Variants in NBPF20 observed in about 807,000 individuals in gnomAD.
NBPF20 encodes NBPF member 20.
In NBPF20, 90 loss-of-function variants were observed where a neutral mutation model predicts 68.1. The observed-to-expected ratio is 1.32, with a 90% confidence interval of 1.11 to 1.58. The LOEUF is 1.58. Among genes scored for constraint, NBPF20 ranks in the 40% most tolerant of loss-of-function variants. NBPF20 has a pLI of 0.00. For synonymous variants in NBPF20, 290 were observed against 228.1 expected, an observed-to-expected ratio of 1.27 and a Z score of -2.45; for missense variants, 816 against 601.2, an observed-to-expected ratio of 1.36 and a Z score of -3.74.
chr1:145,341,149 C>CAG (rs1661611248), intron 75 of NBPF20, among the ~76,000 whole-genome samples: 1 of 79,282 alleles, frequency 1.3e-5, no homozygotes. Flanking sequence ...GAGACAGAGA[C>CAG]AGAGAGAGAG....
the NBPF20 span, among the ~76,000 whole-genome samples, chr1:145,421,210 G>A: frequency 1.3e-5 from 2 of 152,084 alleles, no homozygotes; most frequent in African/African-American, 2.4e-5. Flanking sequence ...GATTCTTTCT[G>A]TTAGGGAATT....
the NBPF20 span, among the ~76,000 whole-genome samples, chr1:145,423,768 G>A: frequency 6.6e-6 from 1 of 151,796 alleles, no homozygotes. Flanking sequence ...TTAACTGACA[G>A]GCATCAGCAA....
At chr1:145,425,043 C>G in the NBPF20 span, among the ~76,000 whole-genome samples, 1 of 152,122 alleles carries the variant, frequency 6.6e-6, no homozygotes, top group East Asian at 1.9e-4. Flanking sequence ...CAGGGTCCTC[C>G]ACAGGATACA....
chr1:145,411,351 T>A, the NBPF20 span, among the ~76,000 whole-genome samples: 3 of 151,198 alleles, frequency 2.0e-5, no homozygotes, highest in South Asian at 2.1e-4. Context: ...TTTGGTGTAC[T>A]GGCCTACTGG....
intron 8 of NBPF20, among the ~76,000 whole-genome samples, 193 bp from the exon 14 acceptor site, chr1:145,394,128 G>A (rs1662094582): frequency 6.6e-6 from 1 of 151,996 alleles, no homozygotes; most frequent in African/African-American, 2.4e-5. Context: ...ATGAGCCTTG[G>A]GCAAAATTCC....
At chr1:145,406,647 A>G (rs1216210008), upstream of NBPF20, among the ~76,000 whole-genome samples, 1 of 149,426 alleles carries the variant, frequency 6.7e-6, no homozygotes, top group Non-Finnish European at 1.5e-5. Flanking sequence ...GTGATATCAT[A>G]AAATTTGGTT....
At chr1:145,394,024 C>T in intron 8 of NBPF20, 89 bp from the exon 14 acceptor site, 5 of 793,996 alleles carry the variant, frequency 6.3e-6, no homozygotes, top group East Asian at 2.4e-5. Context: ...AACACAGGGA[C>T]ATCAGTCTTG....
At chr1:145,425,364 T>C in the NBPF20 span, among the ~76,000 whole-genome samples, 1 of 151,804 alleles carries the variant, frequency 6.6e-6, no homozygotes, top group Non-Finnish European at 1.5e-5. Context: ...TCGGAAACGC[T>C]GGGTGGACTT....
Position 145,393,902 on chromosome 1 carries a change from TG to T in NBPF20, c.1024del (p.Gln342LysfsTer38). ...GACTCACCTGGGACCTGTTGCCTCT[TG>T]GTCCTCCTTTTTCACTTGATCCCAC... On this transcript the variant is annotated frameshift_variant, in exon 9 of 138. Transcript: ENST00000369373. LOFTEE classifies it high-confidence loss of function. 1 of 1,534,492 alleles carries T rather than the reference TG, an allele frequency of 6.5e-7. No homozygotes were observed. The highest frequency in any genetic ancestry group is 8.9e-7 in the Non-Finnish European group (1 of 1,120,724).
chr1:145,400,640 G>C, intron 5 of NBPF20, 46 bp from the exon 11 acceptor site: 4 of 1,582,630 alleles, frequency 2.5e-6, no homozygotes, highest in Non-Finnish European at 3.5e-6. Context: ...TAAACACAGA[G>C]GGATTGGACC....
At chr1:145,291,629 T>G (rs782210528) in exon 138 of NBPF20, 4 of 1,611,970 alleles carry the variant, frequency 2.5e-6, no homozygotes, top group South Asian at 2.2e-5. Context: ...GATGTGCTGT[T>G]CCTCAAATGA....
rs1558959668 is a variant in NBPF20 at position 145,291,400 on chromosome 1, T to A, written c.*126A>T. On this transcript the variant is annotated 3_prime_UTR_variant, in exon 138 of 138. Transcript: ENST00000369373. ...CACTGGCATGGTTTGAGAATAGGAA[T>A]ACAGCCATGCCCACTGACCCATCCT... The A allele has an allele frequency of 1.8e-5, 29 of 1,592,484 alleles. 1 individual carries two copies. In the South Asian group the frequency reaches 3.1e-4, roughly 17 times the overall value.
At chr1:145,291,978 C>A (rs587758207) in intron 137 of NBPF20, among the ~76,000 whole-genome samples, 8 of 149,860 alleles carry the variant, frequency 5.3e-5, no homozygotes, top group East Asian at 1.9e-4. Context: ...GAGAGAGAGA[C>A]AGAGACAGAG....
chr1:145,392,829 C>T (rs868982960), intron 10 of NBPF20, among the ~76,000 whole-genome samples: 2 of 97,902 alleles, frequency 2.0e-5, no homozygotes, highest in African/African-American at 1.3e-4. Context: ...CCAGGTCGAA[C>T]GTCATGAGAG....
chr1:145,292,102 T>G (rs1195305391), intron 137 of NBPF20, among the ~76,000 whole-genome samples: 1 of 149,264 alleles, frequency 6.7e-6, no homozygotes, highest in Non-Finnish European at 1.5e-5. Context: ...ATGAAAAGAG[T>G]GAGCTCAATA....
intron 9 of NBPF20, chr1:145,393,605 A>G (rs1357550058): frequency 1.6e-5 from 11 of 687,254 alleles, no homozygotes; most frequent in Admixed American, 1.1e-4. Context: ...CATGTCCTCA[A>G]TAATTTTGCA....
exon 2 of NBPF20, chr1:145,405,194 G>C: frequency 6.2e-7 from 1 of 1,612,650 alleles, no homozygotes; most frequent in Non-Finnish European, 8.5e-7. Flanking sequence ...TCTGCCAACT[G>C]GGGGCGCAAT....
At chr1:145,424,659 G>A in the NBPF20 span, among the ~76,000 whole-genome samples, 2 of 152,188 alleles carry the variant, frequency 1.3e-5, no homozygotes, top group African/African-American at 4.8e-5. Context: ...AAACGTCTTG[G>A]TTAACTCTTC....
At chr1:145,399,933 G>A (rs1249099647) in intron 6 of NBPF20, among the ~76,000 whole-genome samples, 10 of 152,034 alleles carry the variant, frequency 6.6e-5, no homozygotes, top group Admixed American at 6.6e-5. Context: ...CAGGGTGACT[G>A]TGCAGCTAAG....
Sources: allele counts gnomAD v4.1 joint callset (sites outside exome capture counted in the v4.1 genomes callset), GRCh38; gene constraint gnomAD v4.1.1; transcripts MANE v1.5; gene names NCBI Gene and HGNC (gene_info 2026-07-23, HGNC 2026-07-21).